Variants in KCNMB2 observed in about 807,000 individuals in gnomAD.
KCNMB2 encodes the protein calcium-activated potassium channel subunit beta-2.
Under a neutral mutation model 24.5 loss-of-function variants are expected in KCNMB2, and 9 were observed. That is an observed-to-expected ratio of 0.37 (90% CI 0.22 to 0.64). KCNMB2 has a LOEUF of 0.64. Ranked by LOEUF, KCNMB2 falls within the 30% of genes least tolerant of loss-of-function variation. The probability of loss-of-function intolerance (pLI) is 0.63; values close to 1 mark genes in which losing one functional copy is unlikely to be tolerated. For missense variants in KCNMB2, 226 were observed against 284.3 expected (o/e 0.79, Z 1.47); for synonymous variants, 109 against 104.4 (o/e 1.04, Z -0.27).
At chr3:178,834,793 C>T (rs1037917649) in intron 4 of KCNMB2, among the ~76,000 whole-genome samples, 5 of 151,998 alleles carry the variant, frequency 3.3e-5, no homozygotes, top group African/African-American at 1.2e-4. Context: ...TTGTGACTGA[C>T]AAAGTTTAGT....
chr3:178,662,176 A>C (rs1203883595), intron 1 of KCNMB2, among the ~76,000 whole-genome samples: 1 of 152,214 alleles, frequency 6.6e-6, no homozygotes, highest in Admixed American at 6.5e-5. Flanking sequence ...GCATAGCCAC[A>C]GAAATAAATT....
At chr3:178,817,230 T>C (rs1246094108) in intron 2 of KCNMB2, among the ~76,000 whole-genome samples, 3 of 150,360 alleles carry the variant, frequency 2.0e-5, no homozygotes, top group Admixed American at 2.0e-4. Flanking sequence ...TATATATAAA[T>C]GAAGTGTGAC....
At chr3:178,571,783 G>A (rs765769986) in intron 1 of KCNMB2, among the ~76,000 whole-genome samples, 3 of 151,992 alleles carry the variant, frequency 2.0e-5, no homozygotes, top group Non-Finnish European at 1.5e-5. Context: ...AACATGCGGT[G>A]TTTGGCTTTC....
chr3:178,743,564 T>C (rs548172787), intron 1 of KCNMB2, among the ~76,000 whole-genome samples: 91 of 152,300 alleles, frequency 6.0e-4, no homozygotes, highest in Middle Eastern at 3.4e-3. Context: ...ATGGACCTGG[T>C]CAGAAAGAGC....
At chr3:178,801,973 G>T (rs558202086) in intron 1 of KCNMB2, 33 of 152,306 alleles carry the variant, frequency 2.2e-4, no homozygotes, top group African/African-American at 7.7e-4. Context: ...TTTGGCAAAT[G>T]AATGAACTAA....
intron 1 of KCNMB2, among the ~76,000 whole-genome samples, chr3:178,723,907 CTA>C (rs1722885082): frequency 6.6e-6 from 1 of 152,174 alleles, no homozygotes; most frequent in African/African-American, 2.4e-5. Context: ...TAGGTTGAAT[CTA>C]TGTCTTTGCT....
intron 1 of KCNMB2, among the ~76,000 whole-genome samples, chr3:178,785,853 ATAAG>A (rs1234548216): frequency 2.6e-5 from 4 of 152,198 alleles, no homozygotes; most frequent in African/African-American, 9.6e-5. Flanking sequence ...CTCTGTGTAA[ATAAG>A]TAGCTACTAA....
At chr3:178,594,993 A>T (rs1717814020) in intron 1 of KCNMB2, among the ~76,000 whole-genome samples, 2 of 149,128 alleles carry the variant, frequency 1.3e-5, no homozygotes, top group South Asian at 4.2e-4. Flanking sequence ...GCATACAATT[A>T]TCTGTTTGAA....
chr3:178,740,650 A>G (rs1436731798), intron 1 of KCNMB2, among the ~76,000 whole-genome samples: 3 of 152,212 alleles, frequency 2.0e-5, no homozygotes, highest in Admixed American at 6.5e-5. Flanking sequence ...TTTCTGTATC[A>G]TTATTCACCA....
At chr3:178,614,106 T>C (rs941737060) in intron 1 of KCNMB2, among the ~76,000 whole-genome samples, 20 of 149,784 alleles carry the variant, frequency 1.3e-4, no homozygotes, top group Middle Eastern at 3.4e-3. Context: ...AGTGCATTCA[T>C]TAGTATGCCG....
At position 178,837,112 on chromosome 3, in the gene KCNMB2, C is replaced by T. The variant is rs188759979; in HGVS notation, c.424-5541C>T. ...TCTCCTAAGACAAAAAGGCAAGGGA[C>T]ATGAGATGACAGCCATTAAACAGGA... On this transcript the variant is annotated intron_variant, in intron 4 of 4. Transcript: ENST00000452583. Among the ~76,000 whole-genome samples the T allele has an allele frequency of 9.8e-4, 149 of 152,244 alleles. 1 individual carries two copies. The highest frequency in any genetic ancestry group is 3.5e-3 in the African/African-American group (145 of 41,548).
At chr3:178,641,449 T>G (rs1292737413) in intron 1 of KCNMB2, among the ~76,000 whole-genome samples, 1 of 152,054 alleles carries the variant, frequency 6.6e-6, no homozygotes, top group Non-Finnish European at 1.5e-5. Flanking sequence ...GTGATACTAT[T>G]TTTTTTAAAT....
intron 2 of KCNMB2, among the ~76,000 whole-genome samples, chr3:178,808,642 C>T (rs911325342): frequency 6.6e-6 from 1 of 152,106 alleles, no homozygotes; most frequent in Admixed American, 6.5e-5. Flanking sequence ...AATTGGGAAG[C>T]AACTTGAAAA....
chr3:178,637,949 C>G (rs899568598), intron 1 of KCNMB2, among the ~76,000 whole-genome samples: 1 of 152,106 alleles, frequency 6.6e-6, no homozygotes, highest in African/African-American at 2.4e-5. Context: ...GGAGTCCCAG[C>G]ACCCTCTTAG....
intron 1 of KCNMB2, among the ~76,000 whole-genome samples, chr3:178,664,164 G>A (rs1018761913): frequency 6.6e-6 from 1 of 152,128 alleles, no homozygotes; most frequent in Non-Finnish European, 1.5e-5. Context: ...GTGGTACACT[G>A]GGACCTGCAG....
intron 4 of KCNMB2, among the ~76,000 whole-genome samples, chr3:178,830,168 GT>G (rs1485614079): frequency 1.3e-5 from 2 of 152,048 alleles, no homozygotes; most frequent in African/African-American, 4.8e-5. Context: ...TATATATTTT[GT>G]TAATAGTTTT....
At chr3:178,731,186 T>C (rs1258008564) in intron 1 of KCNMB2, among the ~76,000 whole-genome samples, 4 of 152,142 alleles carry the variant, frequency 2.6e-5, no homozygotes, top group African/African-American at 2.4e-5. Flanking sequence ...CTGGCCCCAG[T>C]TGGAACAATA....
chr3:178,740,514 G>A (rs1193627510), intron 1 of KCNMB2, among the ~76,000 whole-genome samples: 1 of 152,170 alleles, frequency 6.6e-6, no homozygotes, highest in Non-Finnish European at 1.5e-5. Flanking sequence ...CTATAAATAA[G>A]AAAGAAGAAT....
At chr3:178,803,358 C>G (rs1488777650) in intron 1 of KCNMB2, among the ~76,000 whole-genome samples, 1 of 152,054 alleles carries the variant, frequency 6.6e-6, no homozygotes, top group Non-Finnish European at 1.5e-5. Flanking sequence ...ATAGATGGAG[C>G]TGGACAATTG....
Sources: gnomAD v4.1 joint callset for allele counts (sites outside exome capture counted in the v4.1 genomes callset) on GRCh38, gnomAD v4.1.1 for gene constraint, MANE v1.5 for transcripts, NCBI Gene and HGNC (gene_info 2026-07-23, HGNC 2026-07-21) for gene names.